RTL5: variants seen among roughly 807,000 people sequenced by gnomAD.
RTL5 encodes the protein retrotransposon Gag like 5, also known as retrotransposon Gag-like protein 5.
In RTL5, 8 loss-of-function variants were observed where a neutral mutation model predicts 7.7. That is an observed-to-expected ratio of 1.04 (90% CI 0.61 to 1.88). The LOEUF (loss-of-function observed/expected upper bound fraction) is 1.88. Among genes scored for constraint, RTL5 ranks in the 40% most tolerant of loss-of-function variants. The pLI is 0.00. For missense variants in RTL5, 457 were observed against 472.7 expected, an observed-to-expected ratio of 0.97 and a Z score of 0.31; for synonymous variants, 188 against 191.8, an observed-to-expected ratio of 0.98 and a Z score of 0.16.
At chrX:72,130,669 G>A (rs1160061744) in exon 1 of RTL5, 4 of 1,210,237 alleles carry the variant, frequency 3.3e-6, no homozygotes, top group Non-Finnish European at 4.5e-6. Context: ...CATTTCTGTT[G>A]ACCATAAGAG....
At chrX:72,130,650 C>G (rs188083554) in exon 1 of RTL5, 1 of 1,211,760 alleles carries the variant, frequency 8.3e-7, no homozygotes, top group Middle Eastern at 2.3e-4. Flanking sequence ...TCAGCTCATC[C>G]AGGTCGGCCA....
chrX:72,128,970 T>A (rs1224607879), exon 1 of RTL5: 1 of 113,506 alleles, frequency 8.8e-6, no homozygotes, highest in Non-Finnish European at 1.9e-5. Flanking sequence ...TCCGGAACCC[T>A]AACTGGCTAC....
chrX:72,131,571 T>G (rs747811621), exon 1 of RTL5: 1 of 1,138,246 alleles, frequency 8.8e-7, no homozygotes, highest in Non-Finnish European at 1.2e-6. Flanking sequence ...TGGGGCTCCG[T>G]GGTGGGGAAA....
exon 1 of RTL5, chrX:72,130,197 A>G (rs936438936): frequency 3.3e-6 from 4 of 1,207,826 alleles, no homozygotes; most frequent in Non-Finnish European, 4.5e-6. Flanking sequence ...CCACCTCACC[A>G]TAGGTCTCCT....
chrX:72,130,724 G>C, exon 1 of RTL5: 1 of 1,211,959 alleles, frequency 8.3e-7, no homozygotes, highest in Non-Finnish European at 1.1e-6. Context: ...AATTGGTTTT[G>C]GAGGCGGCAG....
chrX:72,130,456 T>C, exon 1 of RTL5: 1 of 1,210,355 alleles, frequency 8.3e-7, no homozygotes, highest in Non-Finnish European at 1.1e-6. Context: ...GCGCTTCCTC[T>C]GGTCCTTGGA....
exon 1 of RTL5, chrX:72,130,174 A>C (rs1464132220): frequency 8.3e-7 from 1 of 1,208,083 alleles, no homozygotes; most frequent in Non-Finnish European, 1.1e-6. Context: ...GGCCTCATCC[A>C]GTGGCTCCTC....
exon 1 of RTL5, chrX:72,129,727 C>T: frequency 3.7e-6 from 3 of 805,710 alleles, no homozygotes; most frequent in South Asian, 2.6e-5. Flanking sequence ...AGGTCTGAAA[C>T]TCCCTGAAGT....
exon 1 of RTL5, chrX:72,131,693 G>T: frequency 2.1e-6 from 1 of 487,086 alleles, no homozygotes. Flanking sequence ...ACCCACCGGG[G>T]CGAGCTCGGA....
rs1463944415 is a variant in RTL5, at chrX:72,131,582, G to A, written c.-42C>T. On this transcript the variant is annotated 5_prime_UTR_variant, in exon 1 of 1. Transcript: ENST00000609883. The stretch of plus-strand genomic sequence containing the variant: ...GCCCTGGGGCTCCGTGGTGGGGAAA[G>A]GGGAACTGGAACTACGGGCGGCCGG... 5 of 1,129,756 alleles carry A rather than the reference G, an allele frequency of 4.4e-6. No homozygotes were observed. In the African/African-American group the frequency reaches 7.3e-5, roughly 17 times the overall value. 93.1% of individuals were successfully genotyped at this position (1,129,756 alleles called of 1,213,427 possible).
At chrX:72,130,659 C>T in exon 1 of RTL5, 1 of 1,211,899 alleles carries the variant, frequency 8.3e-7, no homozygotes, top group East Asian at 3.0e-5. Flanking sequence ...CCAGGTCGGC[C>T]ATTTCTGTTG....
At chrX:72,130,364 T>C (rs754364559) in exon 1 of RTL5, 1 of 1,161,665 alleles carries the variant, frequency 8.6e-7, no homozygotes, top group Non-Finnish European at 1.2e-6. Context: ...TCCTCCTCCT[T>C]CTCTTCCTTC....
chrX:72,131,125 G>T lies in RTL5; in HGVS notation c.416C>A (p.Pro139Gln), dbSNP rs749671620. The T allele has an allele frequency of 5.8e-6, 7 of 1,201,757 alleles. No individual in the cohort carries two copies. The South Asian group carries it at 7.1e-5, about 12-fold the overall frequency. ...CGGTGCCAGAGGGGGTTGCGGGGGCGGTTCCTTTGACGCGGGCGGAGGCAG... is the reference window on the plus strand; with the variant it reads ...CGGTGCCAGAGGGGGTTGCGGGGGCTGTTCCTTTGACGCGGGCGGAGGCAG... Residue 139 changes from proline (P) to glutamine (Q), a missense_variant, in exon 1 of 1, where the codon CCG becomes CAG. Pro to Gln is a moderately conservative substitution (Grantham distance 76). Coordinates refer to ENST00000609883, the Ensembl canonical transcript of RTL5.
chrX:72,130,785 G>C (rs370694469), exon 1 of RTL5: 12 of 1,210,083 alleles, frequency 9.9e-6, no homozygotes, highest in Non-Finnish European at 1.2e-5. Context: ...CTGCATAGCT[G>C]CCGAGGGTAC....
At chrX:72,131,897 T>C (rs1296121853), upstream of RTL5, 13 of 421,406 alleles carry the variant, frequency 3.1e-5, no homozygotes, top group Non-Finnish European at 5.2e-5. Context: ...GGGAGCGGAC[T>C]GCGGCAGGAT....
chrX:72,130,991 C>T (rs1297919565), exon 1 of RTL5: 1 of 1,209,384 alleles, frequency 8.3e-7, no homozygotes, highest in Non-Finnish European at 1.1e-6. Context: ...CGCTCGGCGC[C>T]CCCGGGGAAA....
exon 1 of RTL5, chrX:72,130,370 CCTT>C (rs749168615): frequency 7.6e-5 from 89 of 1,165,905 alleles, no homozygotes; most frequent in Admixed American, 2.6e-4. Flanking sequence ...TCCTTCTCTT[CCTT>C]CTTCTTCATT....
chrX:72,131,139 G>A (rs1235095981), exon 1 of RTL5: 12 of 1,193,560 alleles, frequency 1.0e-5, no homozygotes, highest in Non-Finnish European at 1.4e-5. Flanking sequence ...CCTTTGACGC[G>A]GGCGGAGGCA....
chrX:72,131,286 G>A (rs754097427), exon 1 of RTL5: 1 of 1,196,043 alleles, frequency 8.4e-7, no homozygotes, highest in African/African-American at 1.8e-5. Flanking sequence ...GGCACAAGAA[G>A]GGCAGTTCTC....
Sources: gnomAD v4.1 joint callset for allele counts on GRCh38, gnomAD v4.1.1 for gene constraint, MANE v1.5 for transcripts, NCBI Gene and HGNC (gene_info 2026-07-23, HGNC 2026-07-21) for gene names.